The following CMC2 variants were observed in gnomAD, a reference collection of about 807,000 sequenced individuals.
The protein encoded by CMC2 is COX assembly mitochondrial protein 2 homolog.
A neutral mutation model predicts 7.5 loss-of-function variants in CMC2; 5 were observed. The ratio of observed to expected loss-of-function variants is 0.66; its 90% CI spans 0.35 to 1.40. The LOEUF (loss-of-function observed/expected upper bound fraction) is 1.40. Among genes scored for constraint, CMC2 ranks in the 40% most tolerant of loss-of-function variants. CMC2 has a pLI of 0.04. For synonymous variants in CMC2, 37 were observed against 31.4 expected, an observed-to-expected ratio of 1.18 and a Z score of -0.60; for missense variants, 115 against 92.3, an observed-to-expected ratio of 1.25 and a Z score of -1.01.
chr16:80,979,715 G>A (rs1214545432), intron 3 of CMC2, among the ~76,000 whole-genome samples: 1 of 152,004 alleles, frequency 6.6e-6, no homozygotes, highest in East Asian at 1.9e-4. Flanking sequence ...CCGTCTCCCA[G>A]GCTCAAGTTA....
chr16:81,005,594 C>T (rs1969235053), intron 1 of CMC2, among the ~76,000 whole-genome samples: 2 of 152,274 alleles, frequency 1.3e-5, no homozygotes, highest in Admixed American at 6.5e-5. Flanking sequence ...ATCACAGGAC[C>T]AGTTCTAAAC....
intron 2 of CMC2, among the ~76,000 whole-genome samples, chr16:80,995,618 CT>C (rs1355197805): frequency 2.0e-5 from 3 of 152,186 alleles, no homozygotes; most frequent in Non-Finnish European, 4.4e-5. Context: ...GATCGCGCCA[CT>C]ACACTCTAGG....
At position 80,969,172 on chromosome 16, in the gene CMC2, G is replaced by A. The variant is rs1452330363; in HGVS notation, c.*6921C>T. The A allele has an allele frequency of 6.6e-6, 1 of 152,176 alleles. No individual in the cohort carries two copies. The highest frequency in any genetic ancestry group is 1.5e-5 in the Non-Finnish European group (1 of 68,046). The allele number at this position is 152,176 out of a possible 1,614,324, so 9.4% of individuals were successfully genotyped here. On this transcript the variant is annotated 3_prime_UTR_variant, in exon 4 of 4. Transcript: ENST00000219400. ...TTTTTATGATATAAAAAGGGCAGGA[G>A]GAGAGACAGTATTTACAACAAAATT...
intron 1 of CMC2, chr16:81,006,461 C>T (rs1304155104): frequency 3.2e-5 from 5 of 153,928 alleles, no homozygotes; most frequent in Non-Finnish European, 5.7e-5. Context: ...CCAAGGTCAC[C>T]AGCCAGTTGA....
In CMC2 at chr16:80,975,246, C is replaced by T. The variant is rs918256806; in HGVS notation, c.*847G>A. On this transcript the variant is annotated 3_prime_UTR_variant, in exon 4 of 4. Coordinates refer to ENST00000219400, the MANE Select transcript of CMC2 (RefSeq NM_020188.5). ...TGGCACCTCGAGTGGACACATTCAA[C>T]CAAATGGGAAAGCAAAGTCTGCTAA... 6.6e-6 allele frequency: 1 copy of T among 152,268 alleles called. No individual in the cohort carries two copies. Among genetic ancestry groups the T allele is most frequent in the Non-Finnish European group, 1.5e-5 (1 of 68,086 alleles). The allele number at this position is 152,268 out of a possible 1,614,324, so 9.4% of individuals were successfully genotyped here. A position where few individuals can be genotyped will look rare whatever the true frequency, so the allele number is the denominator to read the frequency against.
intron 2 of CMC2, among the ~76,000 whole-genome samples, chr16:80,986,791 C>G (rs1191830497): frequency 6.6e-6 from 1 of 152,222 alleles, no homozygotes; most frequent in African/African-American, 2.4e-5. Context: ...AAATTTGTAT[C>G]TGGACATGTT....
At chr16:80,994,121 T>G (rs1437684700) in intron 2 of CMC2, among the ~76,000 whole-genome samples, 2 of 152,166 alleles carry the variant, frequency 1.3e-5, no homozygotes, top group Non-Finnish European at 2.9e-5. Context: ...CAACATATGG[T>G]GTTGAGACAA....
intron 3 of CMC2, chr16:80,978,294 A>C (rs1466954719): frequency 1.6e-6 from 2 of 1,218,858 alleles, no homozygotes; most frequent in African/African-American, 1.6e-5. Flanking sequence ...GAAGGGTCTT[A>C]AGGGAAACTC....
chr16:80,969,678 G>C lies in CMC2; in HGVS notation c.*6415C>G, dbSNP rs1486741672. ...CGAGGCAGGTGGATCACTTGAGGTC[G>C]GGAGTTCAAGACCAGCCTGGGCAAC... On this transcript the variant is annotated 3_prime_UTR_variant, in exon 4 of 4. Coordinates refer to ENST00000219400, the MANE Select transcript of CMC2 (RefSeq NM_020188.5). 6.6e-6 allele frequency: 1 copy of C among 152,286 alleles called. No individual in the cohort carries two copies. Among genetic ancestry groups the C allele is most frequent in the African/African-American group, 2.4e-5 (1 of 41,350 alleles). The allele number at this position is 152,286 out of a possible 1,614,324, so 9.4% of individuals were successfully genotyped here.
intron 1 of CMC2, 70 bp from the exon 2 acceptor site, chr16:80,997,499 G>T: frequency 1.2e-6 from 1 of 803,150 alleles, no homozygotes; most frequent in African/African-American, 1.7e-5. Flanking sequence ...ATCTTCATAA[G>T]AACCTCTAGT....
intron 2 of CMC2, chr16:80,997,051 G>C (rs536406931): frequency 1.1e-5 from 6 of 528,620 alleles, no homozygotes; most frequent in East Asian, 4.0e-5. Context: ...GCATTTTATT[G>C]TAAGAACATG....
intron 3 of CMC2, among the ~76,000 whole-genome samples, chr16:80,979,461 G>T (rs1164602199): frequency 6.6e-6 from 1 of 151,610 alleles, no homozygotes; most frequent in Non-Finnish European, 1.5e-5. Flanking sequence ...CAAAGCAGTG[G>T]CAAAATTTCT....
At chr16:80,999,232 T>C (rs2194319) in intron 1 of CMC2, among the ~76,000 whole-genome samples, 5,329 of 152,086 alleles carry the variant, frequency 0.035, 311 homozygotes, top group African/African-American at 0.12. Flanking sequence ...GGATACAAGA[T>C]CAACATAGAA....
chr16:81,002,765 T>C (rs781299828), intron 1 of CMC2, among the ~76,000 whole-genome samples: 10 of 152,266 alleles, frequency 6.6e-5, no homozygotes, highest in Non-Finnish European at 1.3e-4. Context: ...ACGTCTTCCC[T>C]TCTAATTCAC....
At chr16:80,997,019 C>A (rs1489242932) in intron 2 of CMC2, 1 of 487,726 alleles carries the variant, frequency 2.1e-6, no homozygotes. Context: ...TGTTCTAGTG[C>A]CCTATAATTA....
In CMC2 at chr16:80,968,851, G is replaced by C. The variant is rs1473460849; in HGVS notation, c.*7242C>G. The stretch of plus-strand genomic sequence containing the variant: ...AGCCTAGACCAGTTCCAGGTACCAG[G>C]AAGTGAGGTTTTCATAAACACAATG... On this transcript the variant is annotated 3_prime_UTR_variant, in exon 4 of 4. Transcript: ENST00000219400. 6.6e-6 allele frequency: 1 copy of C among 152,216 alleles called. No individual in the cohort carries two copies. Among genetic ancestry groups the C allele is most frequent in the African/African-American group, 2.4e-5 (1 of 41,454 alleles). 9.4% of individuals were successfully genotyped at this position (152,216 alleles called of 1,614,324 possible). A position where few individuals can be genotyped will look rare whatever the true frequency, so the allele number is the denominator to read the frequency against.
At chr16:80,982,642 T>A (rs1330602381) in intron 2 of CMC2, 1 of 150,336 alleles carries the variant, frequency 6.7e-6, no homozygotes, top group Non-Finnish European at 1.5e-5. Context: ...ATAAATAGCA[T>A]CATTCAAATT....
intron 2 of CMC2, among the ~76,000 whole-genome samples, chr16:80,987,138 G>A (rs1056517866): frequency 6.6e-6 from 1 of 152,028 alleles, no homozygotes. Context: ...CCCTAGTGAG[G>A]GTAGAAGCCA....
intron 1 of CMC2, among the ~76,000 whole-genome samples, chr16:81,000,822 G>A (rs188315572): frequency 6.6e-6 from 1 of 152,174 alleles, no homozygotes; most frequent in Non-Finnish European, 1.5e-5. Context: ...GCTACCACTA[G>A]ATCCAGCAAT....
Sources: allele counts gnomAD v4.1 joint callset (sites outside exome capture counted in the v4.1 genomes callset), GRCh38; gene constraint gnomAD v4.1.1; transcripts MANE v1.5; gene names NCBI Gene and HGNC (gene_info 2026-07-23, HGNC 2026-07-21).